Variants in CRNKL1 observed in about 807,000 individuals in gnomAD.
The protein encoded by CRNKL1 is crooked neck pre-mRNA splicing factor 1.
Under a neutral mutation model 103.7 loss-of-function variants are expected in CRNKL1, and 35 were observed. That is an observed-to-expected ratio of 0.34 (90% CI 0.26 to 0.45). The LOEUF (loss-of-function observed/expected upper bound fraction) is 0.45, where lower values mean the gene tolerates loss of function less well. Among genes scored for constraint, CRNKL1 ranks in the 20% least tolerant of loss-of-function variants. CRNKL1 has a pLI of 1.00. For missense variants in CRNKL1, 645 were observed against 836.0 expected (o/e 0.77, Z 2.82); for synonymous variants, 267 against 282.6 (o/e 0.94, Z 0.55).
chr20:20,049,489 C>G, intron 2 of CRNKL1, 58 bp from the exon 3 acceptor site: 2 of 873,888 alleles, frequency 2.3e-6, no homozygotes, highest in Non-Finnish European at 3.7e-6. Context: ...TGACAGCACC[C>G]TTGGTCTATT....
upstream of CRNKL1, among the ~76,000 whole-genome samples, chr20:20,053,062 T>G (rs2043890774): frequency 1.3e-5 from 2 of 152,192 alleles, no homozygotes; most frequent in Non-Finnish European, 2.9e-5. Flanking sequence ...ATGTTTAAAT[T>G]CTGTGTGTGC....
intron 6 of CRNKL1, 44 bp from the exon 7 acceptor site, chr20:20,043,706 C>G (rs1568760393): frequency 6.4e-7 from 1 of 1,563,414 alleles, no homozygotes; most frequent in Non-Finnish European, 8.8e-7. Context: ...ACAATATTCT[C>G]ATGCCAGTCA....
chr20:20,054,710 G>T (rs574390226), upstream of CRNKL1, among the ~76,000 whole-genome samples: 1 of 152,120 alleles, frequency 6.6e-6, no homozygotes, highest in Non-Finnish European at 1.5e-5. Context: ...GCTAACCCCC[G>T]TGCTACTGGC....
chr20:20,044,357 A>C (rs2043561610), intron 6 of CRNKL1, among the ~76,000 whole-genome samples: 2 of 152,214 alleles, frequency 1.3e-5, no homozygotes, highest in African/African-American at 4.8e-5. Context: ...GCAAGACCTT[A>C]TATAGGTTGA....
upstream of CRNKL1, chr20:20,052,670 C>T (rs969604281): frequency 6.2e-7 from 1 of 1,613,292 alleles, no homozygotes; most frequent in Admixed American, 1.7e-5. Context: ...AGGTCAGCCT[C>T]CGGAACTGGG....
rs140431984 is a variant in CRNKL1, at chr20:20,041,212, A to G, written c.1224+354T>C. Among the ~76,000 whole-genome samples the G allele has an allele frequency of 1.4e-3, 214 of 152,348 alleles. 1 individual carries two copies. Among genetic ancestry groups the G allele is most frequent in the African/African-American group, 5.0e-3 (208 of 41,582 alleles). ...GAGGTAACATCTCAACCATCTACAC[A>G]AGGGGCACATTCATCTGTGCATGCA... On this transcript the variant is annotated intron_variant, in intron 9 of 13. Coordinates refer to ENST00000536226, the MANE Select transcript of CRNKL1 (RefSeq NM_001278628.2).
rs1237406294 is a variant in CRNKL1 at position 20,040,785 on chromosome 20, A to G, written c.1225-19T>C. ...ATGTGAACTAGAAAACAAAAGCACA[A>G]AAATATCTAGCTTAAAAGCCTCATC... is the stretch of plus-strand genomic sequence containing the variant. On this transcript the variant is annotated intron_variant, in intron 9 of 13. Transcript: ENST00000536226. 1.3e-6 allele frequency: 2 copies of G among 1,546,096 alleles called. No individual in the cohort carries two copies. The highest frequency in any genetic ancestry group is 1.8e-6 in the Non-Finnish European group (2 of 1,125,922).
At chr20:20,047,210 G>A (rs2043606978) in intron 5 of CRNKL1, among the ~76,000 whole-genome samples, 1 of 152,158 alleles carries the variant, frequency 6.6e-6, no homozygotes. Context: ...TCCAGCCATG[G>A]GTTCCATATC....
intron 10 of CRNKL1, 77 bp downstream of exon 10, chr20:20,040,609 T>C: frequency 9.1e-7 from 1 of 1,102,500 alleles, no homozygotes; most frequent in Non-Finnish European, 1.4e-6. Flanking sequence ...GTAGGAACTG[T>C]ACAACTTCCA....
rs780965619 is a variant in CRNKL1, at chr20:20,038,393, G to C, written c.1603C>G (p.Arg535Gly). 63 of 1,552,536 alleles carry C rather than the reference G, an allele frequency of 4.1e-5. No individual in the cohort carries two copies. The highest frequency in any genetic ancestry group is 5.1e-5 in the Non-Finnish European group (59 of 1,147,252). ...EIEQEETERTRNLYRRLLQRT... is the reference protein window; with the variant it reads ...EIEQEETERTGNLYRRLLQRT... ...TGAAGCAACCGCCGGTAAAGGTTTC[G>C]TGTTCTTTCTGTTTCTTCCTGCTCA... The change falls in exon 12 of 14, where the codon CGA becomes GGA. Residue 535 changes from arginine (R) to glycine (G), a missense_variant. Arg to Gly is a moderately radical substitution (Grantham distance 125, BLOSUM62 -2). Coordinates refer to ENST00000536226, the MANE Select transcript of CRNKL1 (RefSeq NM_001278628.2).
Position 20,045,317 on chromosome 20 carries a change from A to T in CRNKL1, c.792T>A (p.Asn264Lys). 4 of 1,609,870 alleles carry T rather than the reference A, an allele frequency of 2.5e-6. No homozygotes were observed. The highest frequency in any genetic ancestry group is 3.4e-6 in the Non-Finnish European group (4 of 1,177,786). The part of the protein sequence containing the change: ...LYVAFAKFEE[N>K]QKEFERVRVI... ...AGTTAGGTATACTTACCTCTTTCTG[A>T]TTTTCTTCAAACTTGGCAAAGGCAA... The change falls in exon 6 of 14, where the codon AAT (asparagine) becomes AAA (lysine). Residue 264 changes from asparagine to lysine, a missense_variant. Physicochemically the swap from Asn to Lys is moderately conservative, Grantham distance 94 (BLOSUM62 0). Transcript: ENST00000536226.
chr20:20,038,682 C>G, intron 11 of CRNKL1: 1 of 374,840 alleles, frequency 2.7e-6, no homozygotes, highest in South Asian at 5.4e-5. Flanking sequence ...CTTAGAGATT[C>G]TCTTTGGAAG....
chr20:20,039,786 T>C lies in CRNKL1; in HGVS notation c.1368A>G (p.Leu456=). 1 of 1,614,200 alleles carries C rather than the reference T, an allele frequency of 6.2e-7. No individual in the cohort carries two copies. The highest frequency in any genetic ancestry group is 8.5e-7 in the Non-Finnish European group (1 of 1,179,996). ...GGCATCTGTCAAATTCTCGAAGCTG[T>C]AGCTCCAATTCTATGTAAACTTTAA... ...KLFKVYIELE[L]QLREFDRCRK... is the part of the protein sequence containing the mutation. Residue 456 remains leucine, a synonymous_variant, in exon 11 of 14, where the codon CTA becomes CTG. Transcript: ENST00000536226.
At chr20:20,039,465 C>T (rs1028936934) in intron 11 of CRNKL1, 144 bp downstream of exon 11, 22 of 975,314 alleles carry the variant, frequency 2.3e-5, no homozygotes, top group Non-Finnish European at 3.3e-5. Flanking sequence ...GCCACCTTTC[C>T]ACGTACAAGC....
upstream of CRNKL1, among the ~76,000 whole-genome samples, chr20:20,054,024 T>G (rs1280381707): frequency 1.3e-5 from 2 of 149,860 alleles, no homozygotes; most frequent in African/African-American, 4.9e-5. Context: ...TTTTTTTTTT[T>G]TTTTTTTTTT....
intron 10 of CRNKL1, among the ~76,000 whole-genome samples, 180 bp downstream of exon 10, chr20:20,040,506 T>C (rs1174099793): frequency 6.6e-6 from 1 of 152,202 alleles, no homozygotes; most frequent in Non-Finnish European, 1.5e-5. Context: ...ATAAGAATAA[T>C]TTACGCATTA....
Position 20,047,856 on chromosome 20 carries a change from C to T in CRNKL1, c.531G>A (p.Glu177=), listed in dbSNP as rs1008118382. The change falls in exon 5 of 14, where the codon GAG becomes GAA. Residue 177 remains glutamate (E), a synonymous_variant. Transcript: ENST00000536226. ...GARQVFERWM[E]WQPEEQAWHS... is the part of the protein sequence containing the mutation. ...GCCAGGCTTGCTCCTCAGGCTGCCA[C>T]TCCATCCAGCGCTCAAACACCTGCC... 3.7e-6 allele frequency: 6 copies of T among 1,614,260 alleles called. No homozygotes were observed. Among genetic ancestry groups the T allele is most frequent in the Non-Finnish European group, 5.1e-6 (6 of 1,180,048 alleles).
At chr20:20,055,479 T>G (rs532842059), upstream of CRNKL1, among the ~76,000 whole-genome samples, 9 of 152,332 alleles carry the variant, frequency 5.9e-5, no homozygotes, top group East Asian at 1.5e-3. Flanking sequence ...ATGGTTTAAT[T>G]TTTAATTCTC....
At chr20:20,050,986 C>T (rs1211856129) in intron 1 of CRNKL1, among the ~76,000 whole-genome samples, 1 of 152,174 alleles carries the variant, frequency 6.6e-6, no homozygotes, top group Non-Finnish European at 1.5e-5. Context: ...AGCATTACAA[C>T]CTGCATTTAC....
Sources: gnomAD v4.1 joint callset for allele counts (sites outside exome capture counted in the v4.1 genomes callset) on GRCh38, gnomAD v4.1.1 for gene constraint, MANE v1.5 for transcripts, NCBI Gene and HGNC (gene_info 2026-07-23, HGNC 2026-07-21) for gene names.